AKT1S1: variants seen among roughly 807,000 people sequenced by gnomAD.
AKT1S1 encodes AKT1 substrate 1.
A neutral mutation model predicts 21.2 loss-of-function variants in AKT1S1; 17 were observed. The observed-to-expected ratio is 0.80, with a 90% CI of 0.55 to 1.20. AKT1S1 has a LOEUF of 1.20. AKT1S1 is among the 50% of genes most tolerant of loss of function. The pLI, the probability that AKT1S1 is intolerant of heterozygous loss-of-function variation, is 0.00. For missense variants in AKT1S1, 366 were observed against 368.3 expected (o/e 0.99, Z 0.05); for synonymous variants, 181 against 165.6 (o/e 1.09, Z -0.72).
chr19:49,873,273 T>A lies in AKT1S1; in HGVS notation c.23A>T (p.Glu8Val). The change falls in exon 2 of 5, where the codon GAG becomes GTG. Residue 8 changes from glutamate to valine, a missense_variant. By Grantham distance (121) the Glu-to-Val change is moderately radical. Transcript: ENST00000344175. This position sits in a 1 kb window ranked among gnomAD's most constrained non-coding sequence, Gnocchi z 6.9. MASGRPE[E>V]LWEAVVGAAE... ...GGCCCCCACCACGGCCTCCCACAGC[T>A]CCTCGGGGCGCCCCGACGCCATCCG... 1 of 1,520,702 alleles carries A rather than the reference T, an allele frequency of 6.6e-7. No homozygotes were observed. The highest frequency in any genetic ancestry group is 2.6e-5 in the East Asian group (1 of 38,180). 94.2% of individuals were successfully genotyped at this position (1,520,702 alleles called of 1,614,324 possible).
rs902058710 is a variant in AKT1S1, at chr19:49,873,516, A to G, written c.-7-214T>C. On this transcript the variant is annotated intron_variant, in intron 1 of 4. Transcript: ENST00000344175. The surrounding 1 kb of genome is among the most constrained non-coding windows in gnomAD (Gnocchi z 6.9). ...GACCCTGGCGACGTCCTCTGCCCCA[A>G]CCCATTCCTCCTGCCCCAAGTCACT... 6 of 869,600 alleles carry G rather than the reference A, an allele frequency of 6.9e-6. No homozygotes were observed. In the African/African-American group the frequency reaches 7.3e-5, roughly 11 times the overall value. 53.9% of individuals were successfully genotyped at this position (869,600 alleles called of 1,614,324 possible). A position where few individuals can be genotyped will look rare whatever the true frequency, so the allele number is the denominator to read the frequency against.
chr19:49,877,635 G>A (rs1361971303), upstream of AKT1S1: 3 of 1,470,194 alleles, frequency 2.0e-6, no homozygotes, highest in Admixed American at 2.1e-5. Flanking sequence ...ACCACTGTCC[G>A]GCCCGGAGGG....
chr19:49,878,044 G>GC, upstream of AKT1S1: 1 of 1,008,476 alleles, frequency 9.9e-7, no homozygotes, highest in Non-Finnish European at 1.4e-6. Context: ...TCCCGGCCCC[G>GC]CCCCCTGAGG....
At chr19:49,878,245 C>T, upstream of AKT1S1, 2 of 1,555,832 alleles carry the variant, frequency 1.3e-6, no homozygotes, top group South Asian at 2.4e-5. Context: ...GGAAAAGGTG[C>T]GCTGGGAGGG....
chr19:49,874,736 G>A (rs550205851), intron 1 of AKT1S1: 2 of 152,070 alleles, frequency 1.3e-5, no homozygotes, highest in African/African-American at 4.8e-5. Context: ...ATTAACCAGC[G>A]TGGTTGAGCC....
upstream of AKT1S1, chr19:49,877,447 T>G: frequency 2.0e-6 from 1 of 502,978 alleles, no homozygotes; most frequent in Non-Finnish European, 3.6e-6. Context: ...TCTCAGACCC[T>G]CCCACTTGTT....
At chr19:49,878,079 T>C (rs1352470537), upstream of AKT1S1, 22 of 1,367,420 alleles carry the variant, frequency 1.6e-5, no homozygotes, top group Admixed American at 4.6e-4. Flanking sequence ...GGCCCGTCCC[T>C]ATTGGCTCCC....
intron 2 of AKT1S1, among the ~76,000 whole-genome samples, chr19:49,872,382 T>G (rs1308485403): frequency 6.6e-6 from 1 of 152,106 alleles, no homozygotes; most frequent in African/African-American, 2.4e-5. Flanking sequence ...AACAAGGACC[T>G]CCTAGTGACT....
chr19:49,877,891 T>C (rs892357797), upstream of AKT1S1: 5 of 1,021,268 alleles, frequency 4.9e-6, no homozygotes. Context: ...CACCCTCCCG[T>C]CCACCGCCCC....
At chr19:49,870,282 CCCCTCT>C (rs1366655485) in intron 4 of AKT1S1, among the ~76,000 whole-genome samples, 3 of 152,230 alleles carry the variant, frequency 2.0e-5, no homozygotes, top group Admixed American at 1.3e-4. Flanking sequence ...AGCCTACCTG[CCCCTCT>C]CCCTCTCCCC....
chr19:49,872,026 TC>T, intron 2 of AKT1S1, 137 bp from the exon 3 acceptor site: 1 of 966,198 alleles, frequency 1.0e-6, no homozygotes, highest in South Asian at 1.4e-5. Context: ...TTCCTTCACC[TC>T]AAAAACAACT....
At chr19:49,876,387 A>C in intron 1 of AKT1S1, 3 of 1,128,902 alleles carry the variant, frequency 2.7e-6, no homozygotes, top group East Asian at 3.3e-5. Context: ...CTGGAACCGC[A>C]AGGTGAGACT....
intron 1 of AKT1S1, chr19:49,875,184 G>C (rs933849562): frequency 1.3e-5 from 2 of 152,244 alleles, no homozygotes; most frequent in Non-Finnish European, 2.9e-5. Context: ...AACTGGAAGA[G>C]GCAGGGCTGG....
intron 4 of AKT1S1, among the ~76,000 whole-genome samples, chr19:49,871,158 G>A (rs1433353241): frequency 6.6e-6 from 1 of 152,180 alleles, no homozygotes; most frequent in Middle Eastern, 3.2e-3. Context: ...TTGCTACAAG[G>A]GGTGAACAGG....
intron 4 of AKT1S1, among the ~76,000 whole-genome samples, chr19:49,870,515 G>C (rs771009096): frequency 1.5e-4 from 23 of 152,200 alleles, no homozygotes; most frequent in Non-Finnish European, 3.1e-4. Flanking sequence ...GGGTCTCTGT[G>C]AGGGCTGAGA....
rs367625430 is a variant in AKT1S1 at position 49,871,652 on chromosome 19, G to C, written c.522C>G (p.Ala174=). The C allele has an allele frequency of 1.2e-6, 2 of 1,613,926 alleles. No individual in the cohort carries two copies. Among genetic ancestry groups the C allele is most frequent in the African/African-American group, 1.3e-5 (1 of 74,918 alleles). ...ACTTGGCGTACTGCTGTGTGGGTAG[G>C]GCTGAGGCTGGGGGCACTGAGCAGG... ...PPTCSVPPAS[A]LPTQQYAKSL... The change falls in exon 4 of 5, where the codon GCC becomes GCG. Residue 174 remains alanine, a synonymous_variant. Coordinates refer to ENST00000344175, the MANE Select transcript of AKT1S1 (RefSeq NM_001098633.4).
chr19:49,871,402 G>T, intron 4 of AKT1S1, 145 bp downstream of exon 4: 2 of 1,111,142 alleles, frequency 1.8e-6, no homozygotes, highest in Non-Finnish European at 2.6e-6. Context: ...CAAGGCTCGT[G>T]TCCAAGAACT....
upstream of AKT1S1, chr19:49,878,165 T>C: frequency 6.3e-7 from 1 of 1,577,616 alleles, no homozygotes; most frequent in Non-Finnish European, 8.6e-7. Flanking sequence ...AAGGGCGGAG[T>C]GTACCTGCAC....
chr19:49,878,129 TC>T (rs869304210), upstream of AKT1S1: 3 of 1,566,564 alleles, frequency 1.9e-6, no homozygotes, highest in East Asian at 2.4e-5. Flanking sequence ...CCTCGCTGGT[TC>T]CCCCCAACTC....
Sources: allele counts gnomAD v4.1 joint callset (sites outside exome capture counted in the v4.1 genomes callset), GRCh38; gene constraint gnomAD v4.1.1; non-coding constraint Gnocchi (gnomAD v3.1); transcripts MANE v1.5; gene names NCBI Gene and HGNC (gene_info 2026-07-23, HGNC 2026-07-21).